HSD11B1: variants seen among roughly 807,000 people sequenced by gnomAD.
HSD11B1 encodes the protein 11-beta-hydroxysteroid dehydrogenase 1.
A neutral mutation model predicts 22.1 loss-of-function variants in HSD11B1; 15 were observed. The observed-to-expected ratio is 0.68, with a 90% CI of 0.45 to 1.04. HSD11B1 has a LOEUF of 1.04. HSD11B1 is among the 50% of genes least tolerant of loss of function. The pLI is 0.00. For missense variants in HSD11B1, 281 were observed against 357.6 expected, an observed-to-expected ratio of 0.79 and a Z score of 1.73; for synonymous variants, 122 against 125.2, an observed-to-expected ratio of 0.97 and a Z score of 0.17.
intron 4 of HSD11B1, among the ~76,000 whole-genome samples, chr1:209,721,320 T>G (rs1486465628): frequency 1.3e-5 from 2 of 151,780 alleles, no homozygotes; most frequent in Non-Finnish European, 2.9e-5. Flanking sequence ...GTGTAAGAAA[T>G]GAACACTAAG....
At chr1:209,699,669 C>T (rs1402490745) in intron 1 of HSD11B1, among the ~76,000 whole-genome samples, 1 of 152,158 alleles carries the variant, frequency 6.6e-6, no homozygotes, top group African/African-American at 2.4e-5. Context: ...AACAGTCCCC[C>T]AAAGTTTTAA....
intron 1 of HSD11B1, 78 bp from the exon 2 acceptor site, chr1:209,705,733 A>G (rs2102370196): frequency 6.4e-7 from 1 of 1,574,564 alleles, no homozygotes; most frequent in South Asian, 1.1e-5. Context: ...TGCGATAAGC[A>G]TGCCTATATC....
At chr1:209,704,456 G>T (rs1395360598), upstream of HSD11B1, among the ~76,000 whole-genome samples, 2 of 151,546 alleles carry the variant, frequency 1.3e-5, no homozygotes, top group South Asian at 4.2e-4. Context: ...CACTGGGTGG[G>T]GGGGTAGGGG....
intron 4 of HSD11B1, among the ~76,000 whole-genome samples, chr1:209,730,815 G>C (rs1379314833): frequency 6.6e-6 from 1 of 152,152 alleles, no homozygotes; most frequent in African/African-American, 2.4e-5. Flanking sequence ...TCCGATAACT[G>C]CAAGAGTGGC....
rs139502242 is a variant in HSD11B1, at chr1:209,712,106, A to C, written c.517+4978A>C. On this transcript the variant is annotated intron_variant, in intron 4 of 5. Transcript: ENST00000367027. ...CGTTTCCTTACCAAGGAGTTTGAGAAGGCTTACAACAAATACATTCTATTT... is the reference window on the plus strand; with the variant it reads ...CGTTTCCTTACCAAGGAGTTTGAGACGGCTTACAACAAATACATTCTATTT... Among the ~76,000 whole-genome samples the C allele has an allele frequency of 6.0e-3, 907 of 152,284 alleles. 9 individuals are homozygous for C. Among genetic ancestry groups the C allele is most frequent in the African/African-American group, 0.02 (836 of 41,526 alleles).
intron 4 of HSD11B1, among the ~76,000 whole-genome samples, chr1:209,726,758 A>G (rs758364101): frequency 2.6e-5 from 4 of 152,084 alleles, no homozygotes; most frequent in Admixed American, 1.3e-4. Flanking sequence ...GGATTCTTCT[A>G]TGTACCTTGA....
rs985805198 is a variant in HSD11B1 at position 209,734,624 on chromosome 1, A to C, written c.*103A>C. ...AGACATCTTCCCAGAGTGTCCCCAG[A>C]GACATGCAAGTCATGGGTCACACCT... On this transcript the variant is annotated 3_prime_UTR_variant, in exon 6 of 6. Transcript: ENST00000367027. 1 of 891,068 alleles carries C rather than the reference A, an allele frequency of 1.1e-6. No individual in the cohort carries two copies. Among genetic ancestry groups the C allele is most frequent in the Non-Finnish European group, 1.8e-6 (1 of 541,692 alleles). 55.2% of individuals were successfully genotyped at this position (891,068 alleles called of 1,614,324 possible). A position where few individuals can be genotyped will look rare whatever the true frequency, so the allele number is the denominator to read the frequency against.
At position 209,705,031 on chromosome 1, in the gene HSD11B1, G is replaced by T. The variant is rs1172687424; in HGVS notation, c.88+1G>T. ...TCTGCAAACGAGGAATTCAGACCAGGTAAGTACCCATGCGTCTCATTTTGG... is the reference window on the plus strand; with the variant it reads ...TCTGCAAACGAGGAATTCAGACCAGTTAAGTACCCATGCGTCTCATTTTGG... On this transcript the variant is annotated splice_donor_variant, in intron 1 of 5. Transcript: ENST00000367027. LOFTEE classifies it high-confidence loss of function. The T allele has an allele frequency of 1.2e-6, 2 of 1,611,100 alleles. No individual in the cohort carries two copies. The highest frequency in any genetic ancestry group is 1.3e-5 in the African/African-American group (1 of 74,838).
Position 209,734,586 on chromosome 1 carries a change from C to T in HSD11B1, c.*65C>T. The T allele has an allele frequency of 1.7e-6, 2 of 1,187,130 alleles. No homozygotes were observed. The highest frequency in any genetic ancestry group is 1.2e-6 in the Non-Finnish European group (1 of 800,556). 73.5% of individuals were successfully genotyped at this position (1,187,130 alleles called of 1,614,324 possible). A position where few individuals can be genotyped will look rare whatever the true frequency, so the allele number is the denominator to read the frequency against. Reference sequence around the variant, plus strand: ...CTGTTCTGTCTCATGTTTATCTGAGCTCTTATCTATGAAGACATCTTCCCA... The same window carrying T: ...CTGTTCTGTCTCATGTTTATCTGAGTTCTTATCTATGAAGACATCTTCCCA... On this transcript the variant is annotated 3_prime_UTR_variant, in exon 6 of 6. Coordinates refer to ENST00000367027, the MANE Select transcript of HSD11B1 (RefSeq NM_005525.4).
At chr1:209,714,807 G>T (rs1381105694) in intron 4 of HSD11B1, among the ~76,000 whole-genome samples, 1 of 152,226 alleles carries the variant, frequency 6.6e-6, no homozygotes, top group Non-Finnish European at 1.5e-5. Context: ...ACTTGAGCAG[G>T]ATGGGACAGG....
chr1:209,705,712 A>T, intron 1 of HSD11B1, 99 bp from the exon 2 acceptor site: 2 of 1,451,276 alleles, frequency 1.4e-6, no homozygotes, highest in Non-Finnish European at 1.9e-6. Context: ...CATAACCTTT[A>T]AGTTACAAAT....
At chr1:209,723,792 A>T (rs1159624921) in intron 4 of HSD11B1, among the ~76,000 whole-genome samples, 1 of 152,208 alleles carries the variant, frequency 6.6e-6, no homozygotes, top group Admixed American at 6.5e-5. Context: ...GGAGTAGGAA[A>T]GGTCTTATTT....
chr1:209,707,052 C>T lies in HSD11B1; in HGVS notation c.441C>T (p.Tyr147=), dbSNP rs1266208613. ...GCATGGAAGTCAACTTCCTCAGTTA[C>T]GTGGTCCTGACTGTAGCTGCCTTGC... The part of the protein sequence containing the change: ...RKSMEVNFLS[Y]VVLTVAALPM... The change falls in exon 4 of 6, where the codon TAC becomes TAT. Residue 147 remains tyrosine, a synonymous_variant. Coordinates refer to ENST00000367027, the MANE Select transcript of HSD11B1 (RefSeq NM_005525.4). 8.1e-6 allele frequency: 13 copies of T among 1,613,892 alleles called. No homozygotes were observed. The highest frequency in any genetic ancestry group is 1.3e-5 in the African/African-American group (1 of 74,904).
chr1:209,724,286 C>A (rs2076986813), intron 4 of HSD11B1, among the ~76,000 whole-genome samples: 1 of 152,222 alleles, frequency 6.6e-6, no homozygotes, highest in South Asian at 2.1e-4. Flanking sequence ...TCTGAGGTCT[C>A]TTTGAAGTCA....
chr1:209,732,529 C>T lies in HSD11B1; in HGVS notation c.611C>T (p.Ser204Phe). ...FSSIRKEYSV[S>F]RVNVSITLCV... ...TCCATCAGAAAGGAATATTCAGTGT[C>T]CAGGGTCAATGTATCAATCACTCTC... Residue 204 changes from serine to phenylalanine, a missense_variant, in exon 5 of 6, where the codon TCC becomes TTC. Transcript: ENST00000367027. 1.2e-6 allele frequency: 2 copies of T among 1,613,846 alleles called. No individual in the cohort carries two copies. The highest frequency in any genetic ancestry group is 2.2e-5 in the South Asian group (2 of 91,074).
At chr1:209,714,081 A>G (rs763648840) in intron 4 of HSD11B1, among the ~76,000 whole-genome samples, 17 of 152,232 alleles carry the variant, frequency 1.1e-4, no homozygotes, top group Non-Finnish European at 2.1e-4. Flanking sequence ...GTCAGGCACT[A>G]TGCCAGATGC....
rs532170551 is a variant in HSD11B1, at chr1:209,732,353, T to C, written c.518-83T>C. 3.1e-5 allele frequency: 45 copies of C among 1,430,822 alleles called. 1 individual carries two copies. In the South Asian group the frequency reaches 4.9e-4, roughly 16 times the overall value. The allele number at this position is 1,430,822 out of a possible 1,614,324, so 88.6% of individuals were successfully genotyped here. A position where few individuals can be genotyped will look rare whatever the true frequency, so the allele number is the denominator to read the frequency against. ...GACTCAAAGGGGTAAAAGGACACCA[T>C]AGGAGTTACAAAGCCTACTACAGCT... On this transcript the variant is annotated intron_variant, in intron 4 of 5. Transcript: ENST00000367027.
At chr1:209,691,344 A>G (rs1412578370) in intron 1 of HSD11B1, among the ~76,000 whole-genome samples, 2 of 152,244 alleles carry the variant, frequency 1.3e-5, no homozygotes, top group Non-Finnish European at 2.9e-5. Context: ...AAAAATGTGA[A>G]ACATCACTCC....
intron 4 of HSD11B1, among the ~76,000 whole-genome samples, chr1:209,716,593 C>T (rs995197542): frequency 6.6e-6 from 1 of 150,964 alleles, no homozygotes; most frequent in Non-Finnish European, 1.5e-5. Flanking sequence ...TTTGTAGGGA[C>T]GAAATAGCCA....
Sources: allele counts gnomAD v4.1 joint callset (sites outside exome capture counted in the v4.1 genomes callset), GRCh38; gene constraint gnomAD v4.1.1; transcripts MANE v1.5; gene names NCBI Gene and HGNC (gene_info 2026-07-23, HGNC 2026-07-21).